The following ST18 variants were observed in gnomAD, a reference collection of about 807,000 sequenced individuals.
ST18 encodes ST18 C2H2C-type zinc finger transcription factor.
In ST18, 50 loss-of-function variants were observed where a neutral mutation model predicts 110.0. The observed-to-expected ratio is 0.45, with a 90% CI of 0.36 to 0.58. The LOEUF (loss-of-function observed/expected upper bound fraction) is 0.58, where lower values mean the gene tolerates loss of function less well. ST18 is among the 20% of genes least tolerant of loss of function. The pLI is 0.00. For synonymous variants in ST18, 461 were observed against 452.4 expected, an observed-to-expected ratio of 1.02 and a Z score of -0.24; for missense variants, 1,306 against 1,280.1, an observed-to-expected ratio of 1.02 and a Z score of -0.31.
intron 2 of ST18, among the ~76,000 whole-genome samples, chr8:52,249,009 T>C (rs62499771): frequency 0.12 from 17,643 of 152,174 alleles, 1,383 homozygotes; most frequent in Middle Eastern, 0.21. Flanking sequence ...ACTAACTAAA[T>C]TTAAAGTTGC....
intron 17 of ST18, among the ~76,000 whole-genome samples, chr8:52,138,016 G>T (rs1445917986): frequency 1.3e-5 from 2 of 149,816 alleles, no homozygotes; most frequent in East Asian, 3.9e-4. Flanking sequence ...AGGAGAATCG[G>T]CTGAACTCAG....
intron 2 of ST18, among the ~76,000 whole-genome samples, chr8:52,319,294 G>A (rs1252148990): frequency 6.6e-6 from 1 of 151,976 alleles, no homozygotes; most frequent in Non-Finnish European, 1.5e-5. Context: ...GTGTATATAT[G>A]TACATATTAA....
At chr8:52,168,415 C>T (rs2063715978) in intron 10 of ST18, among the ~76,000 whole-genome samples, 2 of 151,946 alleles carry the variant, frequency 1.3e-5, no homozygotes, top group Admixed American at 1.3e-4. Context: ...TTCCGGGGTG[C>T]TGTATTGTGA....
chr8:52,167,419 C>A (rs2063379567), intron 10 of ST18, among the ~76,000 whole-genome samples: 1 of 152,266 alleles, frequency 6.6e-6, no homozygotes, highest in South Asian at 2.1e-4. Context: ...ACCACCATAT[C>A]TGAGAAAGAC....
At chr8:52,356,465 T>C (rs955735190) in intron 2 of ST18, among the ~76,000 whole-genome samples, 7 of 152,014 alleles carry the variant, frequency 4.6e-5, no homozygotes, top group Non-Finnish European at 1.0e-4. Flanking sequence ...CAGTAACAAC[T>C]CACAACAAGC....
intron 2 of ST18, among the ~76,000 whole-genome samples, chr8:52,233,537 T>C (rs1448564016): frequency 1.3e-5 from 2 of 152,158 alleles, no homozygotes; most frequent in African/African-American, 4.8e-5. Flanking sequence ...AAGATCCTAA[T>C]TGATCCCTCT....
Position 52,169,876 on chromosome 8 carries a change from T to G in ST18, c.1069+1916A>C, listed in dbSNP as rs1323688609. Among the ~76,000 whole-genome samples the G allele has an allele frequency of 2.6e-5, 4 of 152,272 alleles. No homozygotes were observed. The East Asian group carries it at 5.8e-4, about 22-fold the overall frequency. On this transcript the variant is annotated intron_variant, in intron 10 of 25. Transcript: ENST00000689386. The stretch of plus-strand genomic sequence containing the variant: ...GGCACTAGGATATACCGCTGAGTCA[T>G]CCAGCCCTAGTAGGAATTCGGTAAG...
rs2041005275 is a variant in ST18 at position 52,113,119 on chromosome 8, A to G, written c.*79T>C. On this transcript the variant is annotated 3_prime_UTR_variant, in exon 26 of 26. Coordinates refer to ENST00000689386, the MANE Select transcript of ST18 (RefSeq NM_001352837.2). Reference sequence around the variant, plus strand: ...TGCAGTACGGCAACCTCCACGCCTTAGCAGTACATGAACCTCTAACAGATC... The same window carrying G: ...TGCAGTACGGCAACCTCCACGCCTTGGCAGTACATGAACCTCTAACAGATC... 1 of 1,557,570 alleles carries G rather than the reference A, an allele frequency of 6.4e-7. No individual in the cohort carries two copies. The highest frequency in any genetic ancestry group is 8.7e-7 in the Non-Finnish European group (1 of 1,148,850).
intron 25 of ST18, among the ~76,000 whole-genome samples, chr8:52,116,066 A>T (rs576557395): frequency 3.9e-5 from 6 of 152,256 alleles, no homozygotes; most frequent in Admixed American, 3.3e-4. Context: ...GCCTCTAAAA[A>T]ATTCTTGGCC....
intron 2 of ST18, among the ~76,000 whole-genome samples, chr8:52,381,442 T>C (rs1834473150): frequency 6.6e-6 from 1 of 152,212 alleles, no homozygotes; most frequent in Admixed American, 6.5e-5. Flanking sequence ...GGAGTAACTT[T>C]AATTTTTACC....
chr8:52,147,898 C>T (rs1295923220), intron 16 of ST18, among the ~76,000 whole-genome samples: 1 of 152,110 alleles, frequency 6.6e-6, no homozygotes, highest in Non-Finnish European at 1.5e-5. Context: ...AGGACTGCGC[C>T]AACAATTTTG....
Position 52,165,204 on chromosome 8 carries a change from A to C in ST18, c.1226T>G (p.Val409Gly), listed in dbSNP as rs765197434. ...GCATCCCGGCGTGGGACACTTGAGC[A>C]CATTTTCATGCATGGCAAGAACTAA... ...PLEILAMHENVLKCPTPGCTG... is the reference protein window; with the variant it reads ...PLEILAMHENGLKCPTPGCTG... Residue 409 changes from valine (V) to glycine (G), a missense_variant, in exon 12 of 26, where the codon GTG (valine) becomes GGG (glycine). Val to Gly is a moderately radical substitution (Grantham distance 109, BLOSUM62 -3). Coordinates refer to ENST00000689386, the MANE Select transcript of ST18 (RefSeq NM_001352837.2). The C allele has an allele frequency of 4.3e-6, 7 of 1,614,230 alleles. No homozygotes were observed. Among genetic ancestry groups the C allele is most frequent in the Non-Finnish European group, 5.9e-6 (7 of 1,180,034 alleles).
At chr8:52,201,004 A>G (rs2077773527) in intron 8 of ST18, 2 of 152,316 alleles carry the variant, frequency 1.3e-5, no homozygotes, top group Admixed American at 6.5e-5. Flanking sequence ...ATACAAATGT[A>G]CTGAAAGCCC....
chr8:52,120,337 T>G (rs2044200771), intron 23 of ST18, among the ~76,000 whole-genome samples: 1 of 152,258 alleles, frequency 6.6e-6, no homozygotes, highest in Non-Finnish European at 1.5e-5. Flanking sequence ...TGTCTTTTTA[T>G]AGTAAAATTC....
At chr8:52,261,487 T>G (rs1041042666) in intron 2 of ST18, among the ~76,000 whole-genome samples, 4 of 152,220 alleles carry the variant, frequency 2.6e-5, no homozygotes, top group African/African-American at 9.6e-5. Context: ...TTCTCCTTGC[T>G]TGTTCTATGT....
chr8:52,166,812 C>G (rs367924904), intron 11 of ST18, 40 bp downstream of exon 11: 1 of 1,493,604 alleles, frequency 6.7e-7, no homozygotes, highest in East Asian at 2.4e-5. Context: ...GATGATCTGG[C>G]GTGCATAAGC....
In ST18 at chr8:52,326,022, G is replaced by C. The variant is rs569284278; in HGVS notation, c.-465+83306C>G. ...ATTGTGTCATAAAACCTTTGGTTGAGTCCTAGCCTGACTTCAGACCCACAT... is the reference window on the plus strand; with the variant it reads ...ATTGTGTCATAAAACCTTTGGTTGACTCCTAGCCTGACTTCAGACCCACAT... On this transcript the variant is annotated intron_variant, in intron 2 of 25. Transcript: ENST00000689386. Among the ~76,000 whole-genome samples, 11 of 152,306 alleles carry C rather than the reference G, an allele frequency of 7.2e-5. No individual in the cohort carries two copies. In the East Asian group the frequency reaches 2.1e-3, roughly 29 times the overall value.
At chr8:52,192,689 C>T (rs1170954098) in intron 8 of ST18, among the ~76,000 whole-genome samples, 2 of 152,170 alleles carry the variant, frequency 1.3e-5, no homozygotes, top group African/African-American at 4.8e-5. Flanking sequence ...AAAAAAGGTA[C>T]AGTTAGGAGG....
chr8:52,253,356 T>C (rs16917572), intron 2 of ST18, among the ~76,000 whole-genome samples: 2,658 of 152,192 alleles, frequency 0.017, 67 homozygotes, highest in African/African-American at 0.061. Flanking sequence ...TTCTGCAAAA[T>C]TTTGTCCAAG....
Sources: allele counts gnomAD v4.1 joint callset (sites outside exome capture counted in the v4.1 genomes callset), GRCh38; gene constraint gnomAD v4.1.1; transcripts MANE v1.5; gene names NCBI Gene and HGNC (gene_info 2026-07-23, HGNC 2026-07-21).